Variants in SMIM8 observed in about 807,000 individuals in gnomAD.
SMIM8 encodes UPF0708 protein C6orf162.
A neutral mutation model predicts 8.1 loss-of-function variants in SMIM8; 8 were observed. The ratio of observed to expected loss-of-function variants is 0.99; its 90% CI spans 0.58 to 1.78. The LOEUF is 1.78. Ranked by LOEUF, SMIM8 falls within the 40% of genes most tolerant of loss-of-function variation. SMIM8 has a pLI of 0.00. For synonymous variants in SMIM8, 45 were observed against 39.7 expected (o/e 1.13, Z -0.50); for missense variants, 126 against 119.8 (o/e 1.05, Z -0.24).
At chr6:87,325,668 C>G (rs1483581202) in intron 1 of SMIM8, among the ~76,000 whole-genome samples, 1 of 151,778 alleles carries the variant, frequency 6.6e-6, no homozygotes, top group African/African-American at 2.4e-5. Flanking sequence ...TTCCGTTTGC[C>G]AGTATTTTAT....
intron 2 of SMIM8, among the ~76,000 whole-genome samples, chr6:87,331,176 T>G (rs894835957): frequency 6.6e-6 from 1 of 152,098 alleles, no homozygotes; most frequent in Non-Finnish European, 1.5e-5. Context: ...ACAGCTGCAG[T>G]GGAAACAAAA....
rs749575399 is a variant in SMIM8 at position 87,340,173 on chromosome 6, G to A, written c.193G>A (p.Gly65Ser). ...VTLSLCVAYI[G>S]YLHAIQENKK... ...TCTTTCACTTTGCGTGGCATATATTGGTTATCTACATGCAATACAAGAGAA... is the reference window on the plus strand; with the variant it reads ...TCTTTCACTTTGCGTGGCATATATTAGTTATCTACATGCAATACAAGAGAA... The change falls in exon 4 of 4, where the codon GGT becomes AGT. Residue 65 changes from glycine to serine, a missense_variant. Physicochemically the swap from Gly to Ser is moderately conservative, Grantham distance 56. Coordinates refer to ENST00000392863, the MANE Select transcript of SMIM8 (RefSeq NM_001042493.3). 1.9e-6 allele frequency: 3 copies of A among 1,609,188 alleles called. No individual in the cohort carries two copies. Among genetic ancestry groups the A allele is most frequent in the East Asian group, 4.5e-5 (2 of 44,580 alleles).
Position 87,341,168 on chromosome 6 carries a change from C to G in SMIM8, c.*894C>G. 2.5e-6 allele frequency: 1 copy of G among 396,582 alleles called. No homozygotes were observed. Among genetic ancestry groups the G allele is most frequent in the East Asian group, 3.6e-5 (1 of 27,948 alleles). The allele number at this position is 396,582 out of a possible 1,614,324, so 24.6% of individuals were successfully genotyped here. A position where few individuals can be genotyped will look rare whatever the true frequency, so the allele number is the denominator to read the frequency against. ...AATAGATAAGGTCTCCTTATTGTAC[C>G]TTTTTTTTCTTTTGAAGTTTATATG... On this transcript the variant is annotated 3_prime_UTR_variant, in exon 4 of 4. Transcript: ENST00000392863.
chr6:87,335,647 G>A (rs972007735), intron 2 of SMIM8, among the ~76,000 whole-genome samples: 1 of 151,948 alleles, frequency 6.6e-6, no homozygotes, highest in African/African-American at 2.4e-5. Flanking sequence ...CCTTAACTAC[G>A]AAGTTGTGAA....
chr6:87,327,017 T>A (rs562207260), intron 1 of SMIM8, among the ~76,000 whole-genome samples: 96 of 138,126 alleles, frequency 7.0e-4, no homozygotes, highest in African/African-American at 2.7e-3. Context: ...TTTACCATTA[T>A]GTAATGGCCT....
chr6:87,338,636 A>G (rs751361675), intron 3 of SMIM8, among the ~76,000 whole-genome samples: 4 of 152,312 alleles, frequency 2.6e-5, no homozygotes, highest in Middle Eastern at 3.4e-3. Context: ...TCTCATTCCA[A>G]TGCCTCTCTG....
rs75429067 is a variant in SMIM8 at position 87,340,845 on chromosome 6, T to C, written c.*571T>C. 6.0e-3 allele frequency: 927 copies of C among 154,022 alleles called. 14 individuals carry two copies. Among genetic ancestry groups the C allele is most frequent in the African/African-American group, 0.021 (891 of 41,656 alleles). The allele number at this position is 154,022 out of a possible 1,614,324, so 9.5% of individuals were successfully genotyped here. A position where few individuals can be genotyped will look rare whatever the true frequency, so the allele number is the denominator to read the frequency against. On this transcript the variant is annotated 3_prime_UTR_variant, in exon 4 of 4. Coordinates refer to ENST00000392863, the MANE Select transcript of SMIM8 (RefSeq NM_001042493.3). ...TATTTCAGTTTCCATTTTAGCTATTTTTGGGACAGAATTTTATTTTAATGG... is the reference window on the plus strand; with the variant it reads ...TATTTCAGTTTCCATTTTAGCTATTCTTGGGACAGAATTTTATTTTAATGG...
chr6:87,339,070 C>T (rs1208286468), intron 3 of SMIM8, among the ~76,000 whole-genome samples: 2 of 151,936 alleles, frequency 1.3e-5, no homozygotes, highest in Admixed American at 1.3e-4. Context: ...TGGCTCACAC[C>T]AAGGTGGGCG....
Sources: gnomAD v4.1 joint callset for allele counts (sites outside exome capture counted in the v4.1 genomes callset) on GRCh38, gnomAD v4.1.1 for gene constraint, MANE v1.5 for transcripts, NCBI Gene and HGNC (gene_info 2026-07-23, HGNC 2026-07-21) for gene names.